Variants in PBRM1 observed in about 807,000 individuals in gnomAD.
PBRM1 encodes polybromo 1, also known as protein polybromo-1.
PBRM1 carries 27 observed loss-of-function variants against 194.5 expected under a neutral mutation model. That is an observed-to-expected ratio of 0.14 (90% confidence interval 0.10 to 0.19). The LOEUF is 0.19. Among genes scored for constraint, PBRM1 ranks in the 10% least tolerant of loss-of-function variants. The pLI is 1.00. For missense variants in PBRM1, 1,466 were observed against 2,077.2 expected, an observed-to-expected ratio of 0.71 and a Z score of 5.72; for synonymous variants, 655 against 693.2, an observed-to-expected ratio of 0.94 and a Z score of 0.87.
At chr3:52,630,679 T>C (rs1253345340) in intron 11 of PBRM1, among the ~76,000 whole-genome samples, 1 of 152,208 alleles carries the variant, frequency 6.6e-6, no homozygotes, top group African/African-American at 2.4e-5. Flanking sequence ...CATAATAGTT[T>C]ACCCTTCAGA....
chr3:52,658,450 A>G (rs916830923), intron 4 of PBRM1, 135 bp from the exon 6 acceptor site: 14 of 494,480 alleles, frequency 2.8e-5, no homozygotes, highest in Admixed American at 6.5e-5. Context: ...GCTGGAGTAC[A>G]GTGGCACAAT....
At chr3:52,561,717 C>T in intron 25 of PBRM1, 50 bp downstream of exon 27, 1 of 1,531,458 alleles carries the variant, frequency 6.5e-7, no homozygotes, top group Non-Finnish European at 9.0e-7. Context: ...GCGTGCATTC[C>T]TGAAACACCC....
At position 52,676,110 on chromosome 3, in the gene PBRM1, G is replaced by A. The variant is rs1258291060; in HGVS notation, c.236+2390C>T. The stretch of plus-strand genomic sequence containing the variant: ...AGCCTGGGCGACAGAGCGAGACTCC[G>A]TCTCAAAAAAAAAAAAAAAAAAAAA... On this transcript the variant is annotated intron_variant, in intron 2 of 29. Coordinates refer to ENST00000296302, the Ensembl canonical transcript of PBRM1. Among the ~76,000 whole-genome samples, 6 of 93,922 alleles carry A rather than the reference G, an allele frequency of 6.4e-5. 2 individuals are homozygous for A. The highest frequency in any genetic ancestry group is 5.8e-4 in the South Asian group (1 of 1,730). 61.6% of individuals were successfully genotyped at this position (93,922 alleles called of 152,430 possible).
intron 12 of PBRM1, among the ~76,000 whole-genome samples, chr3:52,627,583 G>C (rs2095485759): frequency 6.6e-6 from 1 of 152,166 alleles, no homozygotes; most frequent in Admixed American, 6.5e-5. Flanking sequence ...GTTCTACAGG[G>C]TTGAGGAGTC....
intron 26 of PBRM1, among the ~76,000 whole-genome samples, chr3:52,555,491 A>G (rs1364243679): frequency 6.6e-6 from 1 of 152,196 alleles, no homozygotes; most frequent in Non-Finnish European, 1.5e-5. Context: ...AAGAACCATC[A>G]CAGTGAATGA....
intron 22 of PBRM1, among the ~76,000 whole-genome samples, chr3:52,566,686 T>C (rs562627646): frequency 6.6e-6 from 1 of 152,302 alleles, no homozygotes; most frequent in East Asian, 1.9e-4. Flanking sequence ...GTTTAACAGG[T>C]ACAAAGTTTT....
exon 11 of PBRM1, chr3:52,634,810 G>A (rs147499494): frequency 5.4e-4 from 862 of 1,611,122 alleles, no homozygotes; most frequent in Non-Finnish European, 7.1e-4. Flanking sequence ...TCTTCATAGC[G>A]TGCAGCTGGA....
intron 11 of PBRM1, among the ~76,000 whole-genome samples, chr3:52,633,330 C>T (rs2095685251): frequency 6.6e-6 from 1 of 152,072 alleles, no homozygotes; most frequent in East Asian, 1.9e-4. Context: ...CAAGCTTCAT[C>T]CATGTTAGAG....
chr3:52,568,105 G>C (rs1227538222), intron 22 of PBRM1, among the ~76,000 whole-genome samples: 1 of 151,788 alleles, frequency 6.6e-6, no homozygotes, highest in African/African-American at 2.4e-5. Context: ...CAGTCTCCCA[G>C]GTAGCTAGGA....
intron 2 of PBRM1, 138 bp from the exon 4 acceptor site, chr3:52,668,783 TAA>T (rs143631943): frequency 0.015 from 3,062 of 207,288 alleles, no homozygotes; most frequent in Middle Eastern, 0.028. Flanking sequence ...GAAGCTTACT[TAA>T]AAAAAAAAAA....
chr3:52,613,833 A>AAAAC (rs895664706), intron 15 of PBRM1, among the ~76,000 whole-genome samples: 2 of 152,032 alleles, frequency 1.3e-5, no homozygotes, highest in East Asian at 1.9e-4. Context: ...CTATTAATTT[A>AAAAC]AAACAAACAA....
At chr3:52,611,670 T>C (rs2094616289) in intron 15 of PBRM1, among the ~76,000 whole-genome samples, 1 of 151,850 alleles carries the variant, frequency 6.6e-6, no homozygotes, top group African/African-American at 2.4e-5. Context: ...CTGGACGTGG[T>C]GGCGTGTACC....
At chr3:52,673,146 C>A (rs1312228521) in intron 2 of PBRM1, among the ~76,000 whole-genome samples, 1 of 151,384 alleles carries the variant, frequency 6.6e-6, no homozygotes, top group African/African-American at 2.4e-5. Flanking sequence ...CACCACCACG[C>A]CCGGCTAATT....
chr3:52,594,363 A>G (rs1324773917), intron 17 of PBRM1, among the ~76,000 whole-genome samples: 3 of 152,142 alleles, frequency 2.0e-5, no homozygotes, highest in Non-Finnish European at 4.4e-5. Context: ...TTGTTGGTTT[A>G]AAGTCTGTTT....
At chr3:52,669,378 C>T (rs1578121521) in intron 2 of PBRM1, among the ~76,000 whole-genome samples, 1 of 152,154 alleles carries the variant, frequency 6.6e-6, no homozygotes, top group South Asian at 2.1e-4. Context: ...AAGTAATTTC[C>T]TTCTTTAATT....
chr3:52,629,118 GA>G, intron 11 of PBRM1, 83 bp from the exon 13 acceptor site: 1 of 1,043,066 alleles, frequency 9.6e-7, no homozygotes, highest in Non-Finnish European at 1.4e-6. Flanking sequence ...GCAAAATCTT[GA>G]CAAGCACTAC....
intron 13 of PBRM1, among the ~76,000 whole-genome samples, chr3:52,626,983 T>C (rs991927123): frequency 6.9e-6 from 1 of 144,136 alleles, no homozygotes; most frequent in Non-Finnish European, 1.5e-5. Context: ...AGTGGCATTC[T>C]TAAAATGCCA....
Position 52,569,314 on chromosome 3 carries a change from C to G in PBRM1, c.3692-5081G>C, listed in dbSNP as rs370481925. ...CAAGCTCCGCCTCCCCGGTTCACCC[C>G]CTTCTCCTGCCTCAGCCTCCCAAGT... On this transcript the variant is annotated intron_variant, in intron 22 of 29. Transcript: ENST00000296302. 1.8e-4 allele frequency among the ~76,000 whole-genome samples: 28 copies of G among 151,996 alleles called. No individual in the cohort carries two copies. In the South Asian group the frequency reaches 5.6e-3, roughly 31 times the overall value.
At chr3:52,673,025 T>C (rs1002131799) in intron 2 of PBRM1, among the ~76,000 whole-genome samples, 11 of 151,928 alleles carry the variant, frequency 7.2e-5, no homozygotes, top group African/African-American at 2.4e-4. Flanking sequence ...TTTGCTCTTA[T>C]TGTCCAGGCT....
Sources: gnomAD v4.1 joint callset for allele counts (sites outside exome capture counted in the v4.1 genomes callset) on GRCh38, gnomAD v4.1.1 for gene constraint, MANE v1.5 for transcripts, NCBI Gene and HGNC (gene_info 2026-07-23, HGNC 2026-07-21) for gene names.